Variants in ROBO2 observed in about 807,000 individuals in gnomAD.
ROBO2 encodes the protein roundabout homolog 2.
In ROBO2, 53 loss-of-function variants were observed where a neutral mutation model predicts 160.8. That is an observed-to-expected ratio of 0.33 (90% CI 0.26 to 0.41). The LOEUF is 0.41. Among genes scored for constraint, ROBO2 ranks in the 10% least tolerant of loss-of-function variants. The pLI, the probability that ROBO2 is intolerant of heterozygous loss-of-function variation, is 1.00. For synonymous variants in ROBO2, 664 were observed against 611.7 expected (o/e 1.09, Z -1.26); for missense variants, 1,577 against 1,722.4 (o/e 0.92, Z 1.49).
intron 2 of ROBO2, among the ~76,000 whole-genome samples, chr3:76,589,335 T>C (rs1004788492): frequency 2.6e-5 from 4 of 152,182 alleles, no homozygotes; most frequent in Admixed American, 2.0e-4. Flanking sequence ...CGTCTGGCGC[T>C]GTCACCCAGG....
chr3:76,950,860 G>A (rs1489958594), intron 2 of ROBO2, among the ~76,000 whole-genome samples: 5 of 152,112 alleles, frequency 3.3e-5, no homozygotes, highest in Admixed American at 3.3e-4. Flanking sequence ...CTGAGTAGCT[G>A]GGACTACAGG....
intron 2 of ROBO2, among the ~76,000 whole-genome samples, chr3:76,314,036 A>T (rs2071793387): frequency 6.6e-6 from 1 of 152,284 alleles, no homozygotes; most frequent in African/African-American, 2.4e-5. Flanking sequence ...AAAAAGGCAG[A>T]TTATTGTTGG....
chr3:77,361,517 A>G (rs1004782304), intron 2 of ROBO2, among the ~76,000 whole-genome samples: 1 of 152,088 alleles, frequency 6.6e-6, no homozygotes, highest in African/African-American at 2.4e-5. Context: ...GACAGAATCT[A>G]TTTCTCACAG....
intron 2 of ROBO2, among the ~76,000 whole-genome samples, chr3:76,949,486 A>G (rs889575708): frequency 6.6e-6 from 1 of 152,102 alleles, no homozygotes; most frequent in African/African-American, 2.4e-5. Flanking sequence ...CTTTTTTAAA[A>G]ATATGCAGAA....
chr3:76,602,904 G>T (rs1467806846), intron 2 of ROBO2, among the ~76,000 whole-genome samples: 1 of 152,162 alleles, frequency 6.6e-6, no homozygotes, highest in Non-Finnish European at 1.5e-5. Flanking sequence ...GAGAGCATTT[G>T]TCTGGTATTA....
intron 2 of ROBO2, among the ~76,000 whole-genome samples, chr3:75,966,948 G>GTT (rs1447531264): frequency 6.6e-6 from 1 of 151,592 alleles, no homozygotes; most frequent in Non-Finnish European, 1.5e-5. Flanking sequence ...TCTACAGATA[G>GTT]TTTATCAACA....
At chr3:76,496,209 A>C (rs1254236444) in intron 2 of ROBO2, among the ~76,000 whole-genome samples, 1 of 142,062 alleles carries the variant, frequency 7.0e-6, no homozygotes, top group Non-Finnish European at 1.5e-5. Flanking sequence ...TCTTCACGTG[A>C]CAAATATCAC....
chr3:76,630,475 G>A (rs1178271633), intron 2 of ROBO2, among the ~76,000 whole-genome samples: 1 of 145,400 alleles, frequency 6.9e-6, no homozygotes, highest in Non-Finnish European at 1.5e-5. Flanking sequence ...TCTTTATTTA[G>A]AAGTTTGTGA....
exon 12 of ROBO2, chr3:77,564,964 A>G (rs2093436265): frequency 3.1e-6 from 5 of 1,613,264 alleles, no homozygotes; most frequent in Non-Finnish European, 3.4e-6. Flanking sequence ...CCAATCAGTG[A>G]GCAACAGCTG....
chr3:76,070,359 G>C (rs2068408080), intron 2 of ROBO2, among the ~76,000 whole-genome samples: 1 of 152,120 alleles, frequency 6.6e-6, no homozygotes, highest in Admixed American at 6.5e-5. Flanking sequence ...CATCTCTTAT[G>C]TTCGACATTG....
intron 2 of ROBO2, among the ~76,000 whole-genome samples, chr3:76,090,982 A>T (rs768658697): frequency 1.3e-5 from 2 of 152,218 alleles, no homozygotes; most frequent in Non-Finnish European, 2.9e-5. Flanking sequence ...AGATGTTAAA[A>T]CACAAAACTA....
chr3:77,528,101 T>G (rs1357011307), intron 6 of ROBO2, among the ~76,000 whole-genome samples: 1 of 151,648 alleles, frequency 6.6e-6, no homozygotes, highest in Non-Finnish European at 1.5e-5. Context: ...TTTGTAAACA[T>G]TTGGAAGATA....
At position 77,004,586 on chromosome 3, in the gene ROBO2, A is replaced by C. The variant is rs190562603; in HGVS notation, c.110-93428A>C. Among the ~76,000 whole-genome samples the C allele has an allele frequency of 3.7e-3, 562 of 152,302 alleles. 4 individuals are homozygous for C. The highest frequency in any genetic ancestry group is 5.8e-3 in the South Asian group (28 of 4,826). On this transcript the variant is annotated intron_variant, in intron 2 of 26. Coordinates refer to the ROBO2 transcript ENST00000487694. ...TAAACCAAATGTCTAAATTTACTTGAAAGCTGCTTATCATCAAAGTTCCCA... is the reference window on the plus strand; with the variant it reads ...TAAACCAAATGTCTAAATTTACTTGCAAGCTGCTTATCATCAAAGTTCCCA...
chr3:76,518,498 T>A (rs1319859682), intron 2 of ROBO2, among the ~76,000 whole-genome samples: 1 of 152,108 alleles, frequency 6.6e-6, no homozygotes, highest in African/African-American at 2.4e-5. Flanking sequence ...CTCTGAAAGT[T>A]CCATACAACA....
chr3:75,959,973 T>A lies in ROBO2; in HGVS notation c.109+22371T>A, dbSNP rs774179632. ...TTGTATGCCTGCTGTGCAGTCACAG[T>A]CTGATATATTGATAAACAGAGTTTG... On this transcript the variant is annotated intron_variant, in intron 2 of 26. Coordinates refer to the ROBO2 transcript ENST00000487694. Among the ~76,000 whole-genome samples, 65 of 151,820 alleles carry A rather than the reference T, an allele frequency of 4.3e-4. 2 individuals are homozygous for A. Among genetic ancestry groups the A allele is most frequent in the Non-Finnish European group, 6.2e-4 (42 of 67,890 alleles).
intron 2 of ROBO2, among the ~76,000 whole-genome samples, chr3:76,237,519 A>G (rs1414445999): frequency 1.3e-5 from 2 of 152,274 alleles, no homozygotes; most frequent in East Asian, 3.9e-4. Context: ...AATAAACATC[A>G]TCCTTTGTAT....
chr3:76,979,581 A>G (rs62249920), intron 2 of ROBO2, among the ~76,000 whole-genome samples: 42,106 of 150,886 alleles, frequency 0.28, 6,045 homozygotes, highest in South Asian at 0.42. Flanking sequence ...ATTGGGGTGT[A>G]TGTGTGTGTG....
At chr3:77,495,707 A>G (rs561566876) in intron 5 of ROBO2, among the ~76,000 whole-genome samples, 2 of 152,308 alleles carry the variant, frequency 1.3e-5, no homozygotes, top group East Asian at 1.9e-4. Flanking sequence ...CTTAGAAATG[A>G]CATGCTCTTC....
At chr3:77,556,946 A>C (rs1488323287) in intron 8 of ROBO2, among the ~76,000 whole-genome samples, 1 of 151,890 alleles carries the variant, frequency 6.6e-6, no homozygotes, top group African/African-American at 2.4e-5. Context: ...CTGGACCTGG[A>C]CATGTCCTTT....
Sources: gnomAD v4.1 joint callset for allele counts (sites outside exome capture counted in the v4.1 genomes callset) on GRCh38, gnomAD v4.1.1 for gene constraint, MANE v1.5 for transcripts, NCBI Gene and HGNC (gene_info 2026-07-23, HGNC 2026-07-21) for gene names.